Variants in EAF2 observed in about 807,000 individuals in gnomAD.
EAF2 encodes the protein ELL associated factor 2.
EAF2 carries 29 observed loss-of-function variants against 29.4 expected under a neutral mutation model. That is an observed-to-expected ratio of 0.99 (90% CI 0.73 to 1.35). The LOEUF is 1.35. Among genes scored for constraint, EAF2 ranks in the 40% most tolerant of loss-of-function variants. The pLI is 0.00. For missense variants in EAF2, 292 were observed against 312.0 expected (o/e 0.94, Z 0.48); for synonymous variants, 103 against 102.5 (o/e 1.00, Z -0.03).
At chr3:121,879,591 C>CT (rs1326119362) in intron 5 of EAF2, among the ~76,000 whole-genome samples, 12 of 143,628 alleles carry the variant, frequency 8.4e-5, no homozygotes, top group Non-Finnish European at 1.8e-4. Context: ...GGTCTAGTTC[C>CT]TTTTTTCTTT....
intron 5 of EAF2, among the ~76,000 whole-genome samples, chr3:121,884,213 G>A (rs1459846509): frequency 6.6e-6 from 1 of 151,414 alleles, no homozygotes; most frequent in African/African-American, 2.4e-5. Context: ...GGTGGCGCAT[G>A]CCTGTAATCC....
intron 3 of EAF2, among the ~76,000 whole-genome samples, chr3:121,856,158 T>C (rs1251987380): frequency 1.3e-5 from 2 of 152,182 alleles, no homozygotes; most frequent in Admixed American, 6.5e-5. Flanking sequence ...TTTATTATCA[T>C]GCCTGTCTTA....
At chr3:121,843,773 A>G (rs1429228458) in intron 1 of EAF2, among the ~76,000 whole-genome samples, 1 of 152,146 alleles carries the variant, frequency 6.6e-6, no homozygotes, top group African/African-American at 2.4e-5. Context: ...ACTCAAAATT[A>G]AATTGTATTT....
Position 121,835,387 on chromosome 3 carries a change from G to A in EAF2, c.102G>A (p.Val34=). The change falls in exon 1 of 6, where the codon GTG becomes GTA. Residue 34 remains valine (V), a synonymous_variant. Coordinates refer to ENST00000273668, the MANE Select transcript of EAF2 (RefSeq NM_018456.6). ...AGCCGCGCTGCGCCTTCCACACTGT[G>A]CGCTGTGAGTGAGGACCATCCGGGG... ...EKQPRCAFHT[V]RYDFKPASID... is the part of the protein sequence containing the mutation. 6.2e-7 allele frequency: 1 copy of A among 1,613,862 alleles called. No homozygotes were observed. The highest frequency in any genetic ancestry group is 8.5e-7 in the Non-Finnish European group (1 of 1,179,782).
In EAF2 at chr3:121,845,820, TA is replaced by T. The variant is rs1708520515; in HGVS notation, c.201+1280del. On this transcript the variant is annotated intron_variant, in intron 2 of 5. Coordinates refer to ENST00000273668, the MANE Select transcript of EAF2 (RefSeq NM_018456.6). ...GGCCCTAACCAAAAGTTTTGTCCAT[TA>T]AAAAAATTTCCAGATGTATCCAAGT... Among the ~76,000 whole-genome samples, 9 of 152,234 alleles carry T rather than the reference TA, an allele frequency of 5.9e-5. No homozygotes were observed. The South Asian group carries it at 1.9e-3, about 32-fold the overall frequency.
intron 5 of EAF2, among the ~76,000 whole-genome samples, chr3:121,877,638 A>C (rs1335592363): frequency 4.4e-5 from 2 of 45,432 alleles, no homozygotes; most frequent in African/African-American, 7.8e-5. Flanking sequence ...ATTACAAAAT[A>C]TTTATAATTG....
chr3:121,861,984 T>C (rs182608964), intron 4 of EAF2, among the ~76,000 whole-genome samples: 175 of 152,358 alleles, frequency 1.1e-3, no homozygotes, highest in Non-Finnish European at 2.2e-3. Flanking sequence ...TCTTTAAGAA[T>C]GTTGAATATT....
chr3:121,877,983 A>T (rs1204080958), intron 5 of EAF2, among the ~76,000 whole-genome samples: 13 of 152,086 alleles, frequency 8.5e-5, no homozygotes, highest in East Asian at 1.9e-4. Flanking sequence ...AATGTTATTT[A>T]AAAAAAATTG....
intron 4 of EAF2, among the ~76,000 whole-genome samples, chr3:121,857,986 A>G (rs1473556853): frequency 6.6e-6 from 1 of 152,212 alleles, no homozygotes; most frequent in African/African-American, 2.4e-5. Flanking sequence ...ATGTCCCTAC[A>G]AAGGACGTGA....
intron 5 of EAF2, chr3:121,872,998 C>T: frequency 1.3e-6 from 1 of 783,092 alleles, no homozygotes; most frequent in South Asian, 1.5e-5. Context: ...GATAATCTTT[C>T]CTCTCACTCC....
chr3:121,845,440 C>CAAAAAAAAAA (rs747436052), intron 2 of EAF2, among the ~76,000 whole-genome samples: 7 of 59,906 alleles, frequency 1.2e-4, no homozygotes, highest in Admixed American at 2.2e-4. Flanking sequence ...TCCTACATCT[C>CAAAAAAAAAA]AAAAAAAAAA....
At chr3:121,865,115 C>T (rs1314148449) in intron 4 of EAF2, among the ~76,000 whole-genome samples, 2 of 151,988 alleles carry the variant, frequency 1.3e-5, no homozygotes, top group Non-Finnish European at 2.9e-5. Flanking sequence ...GGGAAAAGAA[C>T]GTTGTAGAGG....
chr3:121,859,122 CT>C (rs1708778714), intron 4 of EAF2, among the ~76,000 whole-genome samples: 1 of 152,138 alleles, frequency 6.6e-6, no homozygotes, highest in Non-Finnish European at 1.5e-5. Context: ...CGGCTTTGTT[CT>C]TTTGGCTTAG....
intron 4 of EAF2, among the ~76,000 whole-genome samples, chr3:121,858,655 C>T (rs1314715841): frequency 6.6e-6 from 1 of 152,176 alleles, no homozygotes; most frequent in East Asian, 1.9e-4. Flanking sequence ...TTTTGCTGTG[C>T]AGAAGCTCTT....
intron 2 of EAF2, among the ~76,000 whole-genome samples, chr3:121,852,872 A>G (rs998214197): frequency 5.3e-5 from 8 of 152,222 alleles, no homozygotes; most frequent in African/African-American, 1.7e-4. Flanking sequence ...AATTGTTTAG[A>G]AATACATATA....
At chr3:121,836,866 T>G (rs1470484094) in intron 1 of EAF2, 1 of 864,090 alleles carries the variant, frequency 1.2e-6, no homozygotes, top group Non-Finnish European at 1.4e-6. Flanking sequence ...CTTAAGAATA[T>G]ATTTCTATAT....
chr3:121,838,634 T>C (rs1431225825), intron 1 of EAF2, among the ~76,000 whole-genome samples: 1 of 152,214 alleles, frequency 6.6e-6, no homozygotes, highest in Non-Finnish European at 1.5e-5. Flanking sequence ...GCTAAAGATA[T>C]TTTGCATACA....
At chr3:121,839,325 C>T (rs1367586655) in intron 1 of EAF2, among the ~76,000 whole-genome samples, 1 of 152,156 alleles carries the variant, frequency 6.6e-6, no homozygotes, top group Non-Finnish European at 1.5e-5. Flanking sequence ...GTTTATTCAT[C>T]CTCCGTGTGA....
chr3:121,859,793 A>G (rs1010661529), intron 4 of EAF2, among the ~76,000 whole-genome samples: 2 of 152,072 alleles, frequency 1.3e-5, no homozygotes, highest in African/African-American at 4.8e-5. Flanking sequence ...ATTCAGTATG[A>G]TATTGGCTGT....
Sources: allele counts gnomAD v4.1 joint callset (sites outside exome capture counted in the v4.1 genomes callset), GRCh38; gene constraint gnomAD v4.1.1; transcripts MANE v1.5; gene names NCBI Gene and HGNC (gene_info 2026-07-23, HGNC 2026-07-21).